TET3: variants seen among roughly 807,000 people sequenced by gnomAD.
The protein encoded by TET3 is methylcytosine dioxygenase TET3.
TET3 carries 19 observed loss-of-function variants against 141.4 expected under a neutral mutation model. The ratio of observed to expected loss-of-function variants is 0.13; its 90% CI spans 0.09 to 0.20. The LOEUF (loss-of-function observed/expected upper bound fraction) is 0.20. Ranked by LOEUF, TET3 falls within the 10% of genes least tolerant of loss-of-function variation. The probability of loss-of-function intolerance (pLI) is 1.00; values close to 1 mark genes in which losing one functional copy is unlikely to be tolerated. For missense variants in TET3, 1,874 were observed against 2,356.9 expected (o/e 0.80, Z 4.24); for synonymous variants, 1,043 against 980.9 (o/e 1.06, Z -1.18).
rs773119673 is a variant in TET3, at chr2:74,101,058, G to A, written c.4270G>A (p.Glu1424Lys). The A allele has an allele frequency of 2.9e-5, 46 of 1,612,678 alleles. No individual in the cohort carries two copies. The highest frequency in any genetic ancestry group is 3.6e-5 in the Non-Finnish European group (42 of 1,179,326). The change falls in exon 12 of 12, where the codon GAG (glutamate) becomes AAG (lysine). Residue 1424 changes from glutamate to lysine, a missense_variant. By Grantham distance (56) the Glu-to-Lys change is moderately conservative (BLOSUM62 1). Transcript: ENST00000409262. This position sits in a 1 kb window ranked among gnomAD's most constrained non-coding sequence, Gnocchi z 8.5. ...CAAGATGGGCAAGACACCTCTGTCC[G>A]AGGTGTCTCAGAATGGAGGACCCAG... The part of the protein sequence containing the change: ...AGKMGKTPLS[E>K]VSQNGGPSHL...
At chr2:74,064,955 C>G (rs921179058) in intron 4 of TET3, among the ~76,000 whole-genome samples, 1 of 152,210 alleles carries the variant, frequency 6.6e-6, no homozygotes, top group Admixed American at 6.5e-5. Context: ...TTCAACCACA[C>G]TGGGAGTTAG....
chr2:74,030,024 T>C (rs1375968977), intron 3 of TET3, among the ~76,000 whole-genome samples: 1 of 152,240 alleles, frequency 6.6e-6, no homozygotes, highest in African/African-American at 2.4e-5. Flanking sequence ...GAATAGGATC[T>C]AAGACAAAAT....
chr2:73,992,417 G>A (rs1684377800), intron 2 of TET3, among the ~76,000 whole-genome samples: 1 of 151,422 alleles, frequency 6.6e-6, no homozygotes, highest in South Asian at 2.1e-4. Context: ...CGGTTCAAGC[G>A]ATTCTCCTGC....
rs767620880 is a variant in TET3 at position 74,093,029 on chromosome 2, C to T, written c.3129+38C>T. ...GGGCCTTTTGCTGCCCACATGTCAC[C>T]GTCCACATCTCTGCTCAGGCTCTGA... On this transcript the variant is annotated intron_variant, in intron 9 of 11. Transcript: ENST00000409262. The surrounding 1 kb of genome is among the most constrained non-coding windows in gnomAD (Gnocchi z 4.2). 5.4e-5 allele frequency: 83 copies of T among 1,526,540 alleles called. No homozygotes were observed. The highest frequency in any genetic ancestry group is 3.4e-4 in the South Asian group (28 of 83,574). 94.6% of individuals were successfully genotyped at this position (1,526,540 alleles called of 1,614,324 possible).
chr2:74,114,540 A>C, the TET3 span, among the ~76,000 whole-genome samples: 2 of 152,114 alleles, frequency 1.3e-5, no homozygotes, highest in Non-Finnish European at 2.9e-5. Context: ...TACCACAATA[A>C]AATTAAATCT....
upstream of TET3, among the ~76,000 whole-genome samples, chr2:73,984,598 G>A (rs923112488): frequency 3.3e-5 from 5 of 151,914 alleles, no homozygotes; most frequent in Admixed American, 1.3e-4. The surrounding 1 kb of genome is among the most constrained non-coding windows in gnomAD (Gnocchi z 5.6). Flanking sequence ...GCCCCACCCC[G>A]CCTCGCCGGC....
intron 2 of TET3, among the ~76,000 whole-genome samples, chr2:73,996,804 C>T (rs992181134): frequency 2.0e-4 from 30 of 152,336 alleles, no homozygotes; most frequent in Admixed American, 1.1e-3. Context: ...CCACCATGAC[C>T]GGCTTGATAA....
chr2:74,046,455 C>T lies in TET3; in HGVS notation c.538C>T (p.Pro180Ser), dbSNP rs201020345. 94 of 1,608,134 alleles carry T rather than the reference C, an allele frequency of 5.8e-5. No individual in the cohort carries two copies. Among genetic ancestry groups the T allele is most frequent in the Non-Finnish European group, 7.6e-5 (90 of 1,176,810 alleles). Residue 180 changes from proline to serine, a missense_variant, in exon 4 of 12, where the codon CCC (proline) becomes TCC (serine). Coordinates refer to ENST00000409262, the MANE Select transcript of TET3 (RefSeq NM_001287491.2). This position sits in a 1 kb window ranked among gnomAD's most constrained non-coding sequence, Gnocchi z 4.3. ...GGGTCCTTGGCGGGTAGACCAAAAG[C>T]CCGACTGGGAGGCTGCCCCAGGCCC... ...TGGPWRVDQK[P>S]DWEAAPGPAH...
chr2:74,030,859 T>C (rs1157340655), intron 3 of TET3, among the ~76,000 whole-genome samples: 4 of 152,128 alleles, frequency 2.6e-5, no homozygotes, highest in African/African-American at 7.2e-5. Flanking sequence ...ACAGGAGCAG[T>C]TGGCAGGACT....
At chr2:74,133,723 G>A in the TET3 span, among the ~76,000 whole-genome samples, 3 of 152,182 alleles carry the variant, frequency 2.0e-5, no homozygotes, top group Non-Finnish European at 4.4e-5. Flanking sequence ...TGAAACTGCA[G>A]GTCACTTTCA....
Position 74,100,903 on chromosome 2 carries a change from C to A in TET3, c.4115C>A (p.Ala1372Asp). 1 of 1,608,984 alleles carries A rather than the reference C, an allele frequency of 6.2e-7. No homozygotes were observed. The highest frequency in any genetic ancestry group is 2.2e-5 in the East Asian group (1 of 44,624). The change falls in exon 12 of 12, where the codon GCC becomes GAC. Residue 1372 changes from alanine to aspartate, a missense_variant. By Grantham distance (126) the Ala-to-Asp change is moderately radical (BLOSUM62 -2). Transcript: ENST00000409262. ...PGPKEYLLPK[A>D]PLLHSVSRDP... ...CCCAAGGAGTATCTGCTTCCCAAGG[C>A]CCCCCTACTCCACTCAGTGTCCAGG...
intron 6 of TET3, among the ~76,000 whole-genome samples, chr2:74,086,791 T>TA (rs33942081): frequency 0.05 from 4,691 of 93,964 alleles, 130 homozygotes; most frequent in Non-Finnish European, 0.057. Flanking sequence ...ACCCTGACTC[T>TA]AAAAAAAAAA....
the TET3 span, chr2:74,122,295 G>C: frequency 6.6e-6 from 1 of 151,546 alleles, no homozygotes; most frequent in African/African-American, 2.4e-5. Context: ...ACAATCAAGT[G>C]AACAGGCCTG....
chr2:74,051,761 A>T (rs1478409944), intron 4 of TET3, among the ~76,000 whole-genome samples: 2 of 152,234 alleles, frequency 1.3e-5, no homozygotes, highest in Non-Finnish European at 2.9e-5. Context: ...GAGGAAACAG[A>T]TTAAGTAATT....
In TET3 at chr2:73,986,133, C is replaced by G. The variant is rs72905215; in HGVS notation, c.-271C>G. On this transcript the variant is annotated 5_prime_UTR_variant, in exon 2 of 12. Transcript: ENST00000409262. ...AGAACCCACCGGGCCAAGATGATCC[C>G]TTTTCTGAGGGCTGCTGCTGGTGTC... 127 of 319,172 alleles carry G rather than the reference C, an allele frequency of 4.0e-4. No individual in the cohort carries two copies. The highest frequency in any genetic ancestry group is 1.7e-3 in the African/African-American group (79 of 47,130). The allele number at this position is 319,172 out of a possible 1,614,324, so 19.8% of individuals were successfully genotyped here.
intron 3 of TET3, among the ~76,000 whole-genome samples, chr2:74,004,630 C>T (rs1006529308): frequency 3.3e-5 from 5 of 152,122 alleles, no homozygotes; most frequent in African/African-American, 4.8e-5. Context: ...TTTAGTGAGA[C>T]TGGGAGTAGT....
intron 3 of TET3, among the ~76,000 whole-genome samples, chr2:74,024,619 G>T (rs878916649): frequency 2.0e-5 from 3 of 152,054 alleles, no homozygotes; most frequent in Admixed American, 2.0e-4. Flanking sequence ...GAGAACTTGA[G>T]TTCTGGAGCC....
At chr2:74,132,920 C>T in the TET3 span, among the ~76,000 whole-genome samples, 9 of 151,676 alleles carry the variant, frequency 5.9e-5, no homozygotes, top group South Asian at 6.3e-4. Flanking sequence ...CTTTTTGATA[C>T]GGAGTCTGGC....
chr2:74,068,546 C>G (rs973859690), intron 4 of TET3, among the ~76,000 whole-genome samples: 2 of 152,176 alleles, frequency 1.3e-5, no homozygotes, highest in African/African-American at 4.8e-5. Context: ...CCATTACAAA[C>G]AATGATATAA....
Sources: gnomAD v4.1 joint callset for allele counts (sites outside exome capture counted in the v4.1 genomes callset) on GRCh38, gnomAD v4.1.1 for gene constraint, Gnocchi (gnomAD v3.1) non-coding constraint, MANE v1.5 for transcripts, NCBI Gene and HGNC (gene_info 2026-07-23, HGNC 2026-07-21) for gene names.